Variants in DDC observed in about 807,000 individuals in gnomAD.
DDC encodes dopa decarboxylase.
A neutral mutation model predicts 60.0 loss-of-function variants in DDC; 43 were observed. The observed-to-expected ratio is 0.72, with a 90% CI of 0.56 to 0.92. The LOEUF (loss-of-function observed/expected upper bound fraction) is 0.92, where lower values mean the gene tolerates loss of function less well. DDC is among the 40% of genes least tolerant of loss of function. DDC has a pLI of 0.00. For synonymous variants in DDC, 232 were observed against 234.6 expected (o/e 0.99, Z 0.10); for missense variants, 573 against 620.2 (o/e 0.92, Z 0.81).
intron 14 of DDC, 101 bp from the exon 15 acceptor site, chr7:50,458,944 CCCCTCT>C (rs921849077): frequency 1.3e-5 from 2 of 149,302 alleles, no homozygotes; most frequent in South Asian, 2.1e-4. Flanking sequence ...CTCCCTCTCC[CCCCTCT>C]CCCTCTCCCC....
At position 50,544,003 on chromosome 7, in the gene DDC, T is replaced by C. The variant is rs2153550442; in HGVS notation, c.83A>G (p.Gln28Arg). 1 of 1,614,196 alleles carries C rather than the reference T, an allele frequency of 6.2e-7. No homozygotes were observed. Among genetic ancestry groups the C allele is most frequent in the Non-Finnish European group, 8.5e-7 (1 of 1,180,030 alleles). Residue 28 changes from glutamine to arginine, a missense_variant, in exon 2 of 15, where the codon CAG (glutamine) becomes CGG (arginine). By Grantham distance (43) the Gln-to-Arg change is conservative. Coordinates refer to ENST00000444124, the MANE Select transcript of DDC (RefSeq NM_001082971.2). ...ANYMEGIEGR[Q>R]VYPDVEPGYL... is the part of the protein sequence containing the mutation. ...CCCGGGCTCCACGTCAGGGTAGACC[T>C]GGCGTCCCTCAATGCCTTCCATGTA...
intron 6 of DDC, chr7:50,527,865 C>G (rs199659462): frequency 3.2e-6 from 1 of 311,628 alleles, no homozygotes; most frequent in South Asian, 3.1e-5. Flanking sequence ...ATTGACAAAA[C>G]AAAAAAAAAA....
chr7:50,531,112 C>G (rs1181077493), intron 4 of DDC, among the ~76,000 whole-genome samples: 1 of 152,152 alleles, frequency 6.6e-6, no homozygotes, highest in Admixed American at 6.5e-5. Flanking sequence ...TTCCTTCAGG[C>G]TATATTTTCA....
At chr7:50,522,646 A>G (rs756402908) in intron 6 of DDC, among the ~76,000 whole-genome samples, 7 of 152,258 alleles carry the variant, frequency 4.6e-5, no homozygotes, top group Non-Finnish European at 7.3e-5. Flanking sequence ...AAGCAATTCA[A>G]TGGAGGAAGT....
chr7:50,476,682 A>G (rs2042653836), intron 10 of DDC, 39 bp from the exon 11 acceptor site: 6 of 1,590,086 alleles, frequency 3.8e-6, no homozygotes, highest in African/African-American at 1.3e-5. Context: ...AGAAATCGTT[A>G]GACAGGTTTG....
rs558786379 is a variant in DDC at position 50,557,859 on chromosome 7, C to T, written c.-29+7426G>A. 1.4e-4 allele frequency among the ~76,000 whole-genome samples: 21 copies of T among 152,336 alleles called. 1 individual carries two copies. The South Asian group carries it at 4.3e-3, about 32-fold the overall frequency. On this transcript the variant is annotated intron_variant, in intron 1 of 14. Coordinates refer to ENST00000444124, the MANE Select transcript of DDC (RefSeq NM_001082971.2). Reference sequence around the variant, plus strand: ...AAAAACTGGAATGATACAGAAATGTCACCCACCATCAGGCATTGAGCATAG... The same window carrying T: ...AAAAACTGGAATGATACAGAAATGTTACCCACCATCAGGCATTGAGCATAG...
At chr7:50,537,059 G>A (rs1318461204) in intron 4 of DDC, among the ~76,000 whole-genome samples, 2 of 119,230 alleles carry the variant, frequency 1.7e-5, no homozygotes, top group Non-Finnish European at 3.7e-5. Flanking sequence ...TTTTTTTAAT[G>A]CATCAAGTCC....
At chr7:50,494,881 T>C (rs1328549701) in intron 9 of DDC, among the ~76,000 whole-genome samples, 1 of 152,110 alleles carries the variant, frequency 6.6e-6, no homozygotes, top group Non-Finnish European at 1.5e-5. Context: ...CAGGCTGGTC[T>C]TGAACTCCGG....
chr7:50,504,241 T>A (rs898352789), intron 6 of DDC, among the ~76,000 whole-genome samples, 182 bp from the exon 7 acceptor site: 25 of 152,200 alleles, frequency 1.6e-4, no homozygotes, highest in African/African-American at 5.3e-4. Flanking sequence ...GAAAGCATCA[T>A]AACAGGTTAA....
intron 3 of DDC, 63 bp from the exon 4 acceptor site, chr7:50,538,042 A>G: frequency 6.2e-7 from 1 of 1,603,046 alleles, no homozygotes; most frequent in South Asian, 1.1e-5. Context: ...GGGGGTCAGC[A>G]GTAACAAGGG....
chr7:50,528,071 T>C, intron 6 of DDC, 66 bp downstream of exon 6: 2 of 1,577,410 alleles, frequency 1.3e-6, no homozygotes, highest in Non-Finnish European at 1.7e-6. Context: ...TAATTTTTTT[T>C]TGTATTTTTA....
chr7:50,469,143 A>G (rs888289434), intron 12 of DDC, among the ~76,000 whole-genome samples: 1 of 149,242 alleles, frequency 6.7e-6, no homozygotes, highest in African/African-American at 2.5e-5. Flanking sequence ...ACAAGGTTTC[A>G]CTATGTTGGC....
intron 9 of DDC, among the ~76,000 whole-genome samples, chr7:50,486,197 C>T (rs940393338): frequency 6.6e-6 from 1 of 152,168 alleles, no homozygotes; most frequent in Non-Finnish European, 1.5e-5. Context: ...CTTCTATATC[C>T]ATAAGAAGTG....
chr7:50,494,644 A>G (rs1225434498), intron 9 of DDC, among the ~76,000 whole-genome samples: 1 of 150,946 alleles, frequency 6.6e-6, no homozygotes, highest in Non-Finnish European at 1.5e-5. Flanking sequence ...CTTAGGAAAC[A>G]TGGTTACTAT....
intron 4 of DDC, among the ~76,000 whole-genome samples, chr7:50,533,745 C>A (rs1249225923): frequency 6.6e-6 from 1 of 152,204 alleles, no homozygotes; most frequent in Non-Finnish European, 1.5e-5. Flanking sequence ...AGTGACGTGG[C>A]CCACAATAAC....
chr7:50,486,686 G>A (rs1393763122), intron 9 of DDC, among the ~76,000 whole-genome samples: 1 of 152,140 alleles, frequency 6.6e-6, no homozygotes, highest in Non-Finnish European at 1.5e-5. Context: ...AGGCCTTTAA[G>A]AGGTGATTTA....
At chr7:50,507,772 T>A (rs1215387671) in intron 6 of DDC, among the ~76,000 whole-genome samples, 1 of 152,218 alleles carries the variant, frequency 6.6e-6, no homozygotes, top group Non-Finnish European at 1.5e-5. Flanking sequence ...GTCCTGGCAG[T>A]GGCCTAGGTT....
chr7:50,479,711 C>T, intron 10 of DDC, 76 bp downstream of exon 10: 1 of 1,277,450 alleles, frequency 7.8e-7, no homozygotes, highest in Admixed American at 1.7e-5. Flanking sequence ...CTTCCCCTAA[C>T]TCCCAGGGAC....
chr7:50,538,838 G>C (rs574292070), intron 3 of DDC, among the ~76,000 whole-genome samples: 1 of 152,258 alleles, frequency 6.6e-6, no homozygotes, highest in African/African-American at 2.4e-5. Flanking sequence ...GATAGAAAAT[G>C]CTCTTTAGGA....
Sources: allele counts gnomAD v4.1 joint callset (sites outside exome capture counted in the v4.1 genomes callset), GRCh38; gene constraint gnomAD v4.1.1; transcripts MANE v1.5; gene names NCBI Gene and HGNC (gene_info 2026-07-23, HGNC 2026-07-21).